Variants in MAGI1 observed in about 807,000 individuals in gnomAD.
MAGI1 encodes membrane-associated guanylate kinase, WW and PDZ domain-containing protein 1.
Under a neutral mutation model 139.9 loss-of-function variants are expected in MAGI1, and 58 were observed. That is an observed-to-expected ratio of 0.41 (90% CI 0.34 to 0.52). MAGI1 has a LOEUF of 0.52. Ranked by LOEUF, MAGI1 falls within the 20% of genes least tolerant of loss-of-function variation. The pLI, the probability that MAGI1 is intolerant of heterozygous loss-of-function variation, is 0.12. For missense variants in MAGI1, 1,874 were observed against 1,901.6 expected, an observed-to-expected ratio of 0.99 and a Z score of 0.27; for synonymous variants, 812 against 737.9, an observed-to-expected ratio of 1.10 and a Z score of -1.63.
chr3:65,668,615 G>A (rs1464020564), intron 1 of MAGI1, among the ~76,000 whole-genome samples: 16 of 139,924 alleles, frequency 1.1e-4, no homozygotes, highest in African/African-American at 3.6e-4. Flanking sequence ...CGCCCAGGCT[G>A]GAGTGCAGTG....
At chr3:65,954,430 AATT>A (rs1247513312) in intron 1 of MAGI1, 1 of 152,544 alleles carries the variant, frequency 6.6e-6, no homozygotes, top group Non-Finnish European at 1.5e-5. Context: ...CAAGGTGGTT[AATT>A]TTTTACCTGG....
At position 65,356,793 on chromosome 3, in the gene MAGI1, T is replaced by C. The variant is rs1940225308; in HGVS notation, c.3974A>G (p.Lys1325Arg). Residue 1325 changes from lysine to arginine, a missense_variant, in exon 23 of 23, where the codon AAG becomes AGG. By Grantham distance (26) the Lys-to-Arg change is conservative. This residue lies in a region of MAGI1 where 653 missense variants were observed against 644.5 expected (regional missense o/e 1.01). Transcript: ENST00000402939. Reference protein sequence around the residue: ...ANGPKRRSPEKRREGTRSADN... With the variant: ...ANGPKRRSPERRREGTRSADN... ...GGCGCTGCGGGTGCCCTCCCTCCGC[T>C]TCTCTGGGGACCGCCTCTTGGGGCC... 22 of 1,610,466 alleles carry C rather than the reference T, an allele frequency of 1.4e-5. No individual in the cohort carries two copies. Among genetic ancestry groups the C allele is most frequent in the Non-Finnish European group, 1.8e-5 (21 of 1,178,052 alleles).
At chr3:65,848,706 A>C (rs983283243) in intron 1 of MAGI1, among the ~76,000 whole-genome samples, 2 of 152,286 alleles carry the variant, frequency 1.3e-5, no homozygotes, top group East Asian at 3.9e-4. Flanking sequence ...CTAGACCCAG[A>C]TAGGCCTGAG....
intron 2 of MAGI1, among the ~76,000 whole-genome samples, chr3:65,620,301 A>C (rs2083595811): frequency 6.6e-6 from 1 of 152,178 alleles, no homozygotes; most frequent in African/African-American, 2.4e-5. Context: ...CTATGAAAAC[A>C]GCCCTAGATG....
At chr3:65,381,786 A>AT (rs1943073159) in intron 16 of MAGI1, 91 bp downstream of exon 16, 1 of 1,230,474 alleles carries the variant, frequency 8.1e-7, no homozygotes, top group East Asian at 2.4e-5. Context: ...ATTTGCTAAA[A>AT]TAGACGCTCA....
intron 1 of MAGI1, among the ~76,000 whole-genome samples, chr3:65,795,643 T>C (rs1426773228): frequency 2.0e-5 from 3 of 150,858 alleles, no homozygotes; most frequent in African/African-American, 7.3e-5. Flanking sequence ...TAACTTAAAA[T>C]GAAGCCTGCT....
chr3:66,022,010 T>C (rs2067990854), intron 1 of MAGI1, among the ~76,000 whole-genome samples: 1 of 152,098 alleles, frequency 6.6e-6, no homozygotes, highest in African/African-American at 2.4e-5. Flanking sequence ...GGACTGCAAA[T>C]TTCCCCCGCA....
At chr3:65,957,632 T>C (rs748824561) in intron 1 of MAGI1, among the ~76,000 whole-genome samples, 18 of 151,708 alleles carry the variant, frequency 1.2e-4, no homozygotes, top group African/African-American at 1.7e-4. Flanking sequence ...AAAGAATCCA[T>C]ACTGAGTGAA....
intron 17 of MAGI1, 40 bp from the exon 18 acceptor site, chr3:65,375,985 G>A: frequency 2.7e-6 from 4 of 1,482,042 alleles, no homozygotes; most frequent in South Asian, 2.3e-5. Flanking sequence ...AAAGTTACGT[G>A]GGAATATAGC....
At chr3:65,674,628 C>T (rs1002082383) in intron 1 of MAGI1, among the ~76,000 whole-genome samples, 12 of 152,242 alleles carry the variant, frequency 7.9e-5, no homozygotes, top group African/African-American at 2.2e-4. Context: ...AGAGTCATCA[C>T]CAAAATAAAT....
intron 1 of MAGI1, among the ~76,000 whole-genome samples, chr3:65,770,686 C>G (rs2037876415): frequency 6.6e-6 from 1 of 151,954 alleles, no homozygotes; most frequent in Non-Finnish European, 1.5e-5. Context: ...AATTATTATT[C>G]ATTTATTTAC....
rs899671477 is a variant in MAGI1 at position 65,497,691 on chromosome 3, A to C, written c.431-4060T>G. Among the ~76,000 whole-genome samples, 12 of 152,280 alleles carry C rather than the reference A, an allele frequency of 7.9e-5. No homozygotes were observed. The South Asian group carries it at 2.5e-3, about 32-fold the overall frequency. ...CTGCAGCCATCTTTGCCATTCTTTC[A>C]ATGATGTTTTCAGATCCAATTTGTC... On this transcript the variant is annotated intron_variant, in intron 2 of 22. Transcript: ENST00000402939.
chr3:65,739,028 TCTC>T (rs1344791111), intron 1 of MAGI1, among the ~76,000 whole-genome samples: 10 of 152,174 alleles, frequency 6.6e-5, no homozygotes, highest in African/African-American at 2.4e-4. Flanking sequence ...GGCATTGACT[TCTC>T]CTCTCTAGCT....
At chr3:65,602,250 A>C (rs535963004) in intron 2 of MAGI1, among the ~76,000 whole-genome samples, 1 of 152,332 alleles carries the variant, frequency 6.6e-6, no homozygotes, top group South Asian at 2.1e-4. Flanking sequence ...AAACATATAC[A>C]TGAATGTTAT....
chr3:65,938,205 T>A (rs1037933655), intron 1 of MAGI1, among the ~76,000 whole-genome samples: 6 of 151,542 alleles, frequency 4.0e-5, no homozygotes, highest in South Asian at 2.1e-4. Context: ...AACAGTTTCT[T>A]TCCATTTAAG....
At chr3:66,008,905 G>A (rs947263149) in intron 1 of MAGI1, 3 of 152,262 alleles carry the variant, frequency 2.0e-5, no homozygotes, top group Non-Finnish European at 4.4e-5. Context: ...TTTAAGCAGG[G>A]TATGCCAGGT....
chr3:65,867,913 T>C (rs1360422807), intron 1 of MAGI1, among the ~76,000 whole-genome samples: 1 of 152,152 alleles, frequency 6.6e-6, no homozygotes. Context: ...GCGTCAGGTC[T>C]GAGGAGGATG....
chr3:65,974,066 G>A (rs889821103), intron 1 of MAGI1, among the ~76,000 whole-genome samples: 5 of 151,710 alleles, frequency 3.3e-5, no homozygotes, highest in African/African-American at 1.2e-4. Flanking sequence ...TATTAAAAAA[G>A]GAAAGGTACA....
intron 1 of MAGI1, among the ~76,000 whole-genome samples, chr3:66,010,072 T>C (rs4416407): frequency 0.42 from 38,075 of 90,018 alleles, 9,441 homozygotes; most frequent in East Asian, 0.73. Flanking sequence ...TGATACTCTC[T>C]GTCTCAAAAA....
Sources: allele counts gnomAD v4.1 joint callset (sites outside exome capture counted in the v4.1 genomes callset), GRCh38; gene constraint gnomAD v4.1.1; regional missense constraint gnomAD v4.1.1; transcripts MANE v1.5; gene names NCBI Gene and HGNC (gene_info 2026-07-23, HGNC 2026-07-21).